Variants in CEMIP observed in about 807,000 individuals in gnomAD.
The protein encoded by CEMIP is cell migration-inducing and hyaluronan-binding protein.
In CEMIP, 105 loss-of-function variants were observed where a neutral mutation model predicts 156.9. The ratio of observed to expected loss-of-function variants is 0.67; its 90% confidence interval spans 0.57 to 0.79. The LOEUF (loss-of-function observed/expected upper bound fraction) is 0.79, where lower values mean the gene tolerates loss of function less well. Ranked by LOEUF, CEMIP falls within the 30% of genes least tolerant of loss-of-function variation. The probability of loss-of-function intolerance (pLI) is 0.00; values close to 1 mark genes in which losing one functional copy is unlikely to be tolerated. For missense variants in CEMIP, 1,457 were observed against 1,769.4 expected (o/e 0.82, Z 3.17); for synonymous variants, 676 against 668.4 (o/e 1.01, Z -0.17).
At chr15:80,889,380 A>G in intron 9 of CEMIP, 91 bp from the exon 10 acceptor site, 2 of 1,570,124 alleles carry the variant, frequency 1.3e-6, no homozygotes, top group Non-Finnish European at 1.8e-6. Flanking sequence ...TTCAGTTCCC[A>G]TGGTGCTGAG....
At chr15:80,814,040 T>C (rs536371499) in intron 1 of CEMIP, among the ~76,000 whole-genome samples, 370 of 140,566 alleles carry the variant, frequency 2.6e-3, no homozygotes, top group Middle Eastern at 0.011. Flanking sequence ...CCAAACTCTT[T>C]GGCTTTTTTT....
intron 21 of CEMIP, among the ~76,000 whole-genome samples, chr15:80,930,985 G>A (rs907668011): frequency 1.3e-5 from 2 of 152,302 alleles, no homozygotes; most frequent in East Asian, 3.9e-4. Context: ...AGCCAGCCTC[G>A]CAGACCCTTG....
rs1459486776 is a variant in CEMIP, at chr15:80,924,678, C to T, written c.2260C>T (p.Arg754Trp). Residue 754 changes from arginine (R) to tryptophan (W), a missense_variant, in exon 18 of 30, where the codon CGG becomes TGG. This residue lies in a region of CEMIP where 798 missense variants were observed against 980.1 expected (regional missense o/e 0.81). Transcript: ENST00000394685. ...KTTEASAKDK[R>W]PFLSIISARY... ...CACCGAGGCCTCTGCCAAGGACAAGCGGCCGTTCCTCTCAATCATCTCTGC... is the reference window on the plus strand; with the variant it reads ...CACCGAGGCCTCTGCCAAGGACAAGTGGCCGTTCCTCTCAATCATCTCTGC... 1.1e-5 allele frequency: 18 copies of T among 1,614,058 alleles called. No individual in the cohort carries two copies. Among genetic ancestry groups the T allele is most frequent in the South Asian group, 9.9e-5 (9 of 91,072 alleles).
At position 80,873,666 on chromosome 15, in the gene CEMIP, C is replaced by G; in HGVS notation, c.-47C>G. 1 of 580,938 alleles carries G rather than the reference C, an allele frequency of 1.7e-6. No individual in the cohort carries two copies. Among genetic ancestry groups the G allele is most frequent in the South Asian group, 1.9e-5 (1 of 52,264 alleles). The allele number at this position is 580,938 out of a possible 1,614,324, so 36.0% of individuals were successfully genotyped here. On this transcript the variant is annotated 5_prime_UTR_variant, in exon 2 of 30. Transcript: ENST00000394685. The stretch of plus-strand genomic sequence containing the variant: ...GATTTTCATGCCCCGATCTGCCTGG[C>G]CTTGAGTTGTGGCAGCTGGGGAAGC...
intron 1 of CEMIP, among the ~76,000 whole-genome samples, chr15:80,852,410 T>A (rs1415262617): frequency 1.3e-5 from 2 of 151,866 alleles, no homozygotes; most frequent in Non-Finnish European, 2.9e-5. Context: ...TTTTTTTAAG[T>A]GGAGAGGTAC....
intron 1 of CEMIP, among the ~76,000 whole-genome samples, chr15:80,797,763 T>C (rs772980121): frequency 6.6e-6 from 1 of 152,222 alleles, no homozygotes; most frequent in Non-Finnish European, 1.5e-5. Flanking sequence ...ACACCCACGG[T>C]GGACCTGGGA....
chr15:80,884,915 T>G (rs1898784397), intron 7 of CEMIP, among the ~76,000 whole-genome samples: 1 of 152,088 alleles, frequency 6.6e-6, no homozygotes, highest in African/African-American at 2.4e-5. Flanking sequence ...TTTTAAAAAT[T>G]TAATTTAATT....
At position 80,858,681 on chromosome 15, in the gene CEMIP, C is replaced by T. The variant is rs151038278; in HGVS notation, c.-175-14857C>T. Among the ~76,000 whole-genome samples, 596 of 151,992 alleles carry T rather than the reference C, an allele frequency of 3.9e-3. 8 individuals are homozygous for T. The highest frequency in any genetic ancestry group is 0.014 in the African/African-American group (582 of 41,450). On this transcript the variant is annotated intron_variant, in intron 1 of 29. Coordinates refer to ENST00000394685, the MANE Select transcript of CEMIP (RefSeq NM_001293298.2). ...CAGAGGTTTCAGTGAGCCAAGGTTG[C>T]GCCATTGCACTCCAGCCTGAGCAAC...
intron 14 of CEMIP, among the ~76,000 whole-genome samples, chr15:80,911,839 G>C (rs1900068677): frequency 6.6e-6 from 1 of 152,238 alleles, no homozygotes; most frequent in Admixed American, 6.5e-5. Flanking sequence ...ATAGGCCTTG[G>C]GCACTCTAGG....
At chr15:80,831,308 T>G (rs1198728020) in intron 1 of CEMIP, among the ~76,000 whole-genome samples, 6 of 151,872 alleles carry the variant, frequency 4.0e-5, no homozygotes, top group Non-Finnish European at 8.8e-5. Flanking sequence ...AAAGCATGGG[T>G]GGCTGGGGGA....
intron 1 of CEMIP, among the ~76,000 whole-genome samples, chr15:80,848,040 G>T (rs1897606154): frequency 6.6e-6 from 1 of 152,200 alleles, no homozygotes; most frequent in East Asian, 1.9e-4. Context: ...ACACAGTTCT[G>T]TAGCAAAATG....
intron 1 of CEMIP, among the ~76,000 whole-genome samples, chr15:80,787,725 T>C (rs1895975991): frequency 6.6e-6 from 1 of 152,206 alleles, no homozygotes; most frequent in Admixed American, 6.5e-5. Flanking sequence ...TAAAATCCCA[T>C]GGAACTGTCT....
chr15:80,845,983 G>A (rs879081205), intron 1 of CEMIP, among the ~76,000 whole-genome samples: 6 of 152,102 alleles, frequency 3.9e-5, no homozygotes, highest in Admixed American at 6.6e-5. Context: ...TTCTGGGCAC[G>A]CATGCCCTCT....
chr15:80,808,787 A>AG (rs1896582590), intron 1 of CEMIP, among the ~76,000 whole-genome samples: 1 of 15,068 alleles, frequency 6.6e-5, no homozygotes, highest in African/African-American at 1.6e-4. Context: ...TGGGGAAGCC[A>AG]AAAAAAAAAA....
chr15:80,927,075 C>T (rs934626923), intron 19 of CEMIP, among the ~76,000 whole-genome samples: 17 of 152,344 alleles, frequency 1.1e-4, no homozygotes, highest in African/African-American at 2.4e-4. Context: ...GTGATTCGCC[C>T]GCCTTGGCCT....
At position 80,929,249 on chromosome 15, in the gene CEMIP, A is replaced by C. The variant is rs1471717227; in HGVS notation, c.2612+75A>C. The C allele has an allele frequency of 3.2e-6, 5 of 1,554,024 alleles. No individual in the cohort carries two copies. In the African/African-American group the frequency reaches 6.8e-5, roughly 21 times the overall value. On this transcript the variant is annotated intron_variant, in intron 21 of 29. Transcript: ENST00000394685. The stretch of plus-strand genomic sequence containing the variant: ...GGCTGTGATGGAAGGGAAAAAGTTA[A>C]TGGGTAGTTTCTACCTGTTGACTAT...
chr15:80,835,835 G>A (rs191122215), intron 1 of CEMIP, among the ~76,000 whole-genome samples: 1 of 152,268 alleles, frequency 6.6e-6, no homozygotes, highest in East Asian at 1.9e-4. Flanking sequence ...GCCACAGACA[G>A]TCTGGACAGA....
intron 1 of CEMIP, among the ~76,000 whole-genome samples, chr15:80,787,139 A>G (rs1895960338): frequency 6.6e-6 from 1 of 152,228 alleles, no homozygotes; most frequent in African/African-American, 2.4e-5. Context: ...GATGCCCTGA[A>G]TGGGATAACA....
intron 1 of CEMIP, among the ~76,000 whole-genome samples, chr15:80,805,550 A>C (rs1282810884): frequency 6.6e-6 from 1 of 152,222 alleles, no homozygotes; most frequent in Non-Finnish European, 1.5e-5. Flanking sequence ...CCTGAGTAAG[A>C]TACAGACTCT....
Sources: allele counts gnomAD v4.1 joint callset (sites outside exome capture counted in the v4.1 genomes callset), GRCh38; gene constraint gnomAD v4.1.1; regional missense constraint gnomAD v4.1.1; transcripts MANE v1.5; gene names NCBI Gene and HGNC (gene_info 2026-07-23, HGNC 2026-07-21).